SPOCK1: variants seen among roughly 807,000 people sequenced by gnomAD.
The protein encoded by SPOCK1 is SPARC (osteonectin), cwcv and kazal like domains proteoglycan 1.
SPOCK1 carries 23 observed loss-of-function variants against 55.3 expected under a neutral mutation model. The ratio of observed to expected loss-of-function variants is 0.42; its 90% CI spans 0.30 to 0.59. The LOEUF is 0.59. Among genes scored for constraint, SPOCK1 ranks in the 20% least tolerant of loss-of-function variants. The pLI is 0.22. For missense variants in SPOCK1, 499 were observed against 552.5 expected (o/e 0.90, Z 0.97); for synonymous variants, 226 against 221.0 (o/e 1.02, Z -0.20).
chr5:137,172,417 T>A (rs923543138), intron 3 of SPOCK1, among the ~76,000 whole-genome samples: 1 of 152,144 alleles, frequency 6.6e-6, no homozygotes. Flanking sequence ...ATGTTTCCAA[T>A]CTATCTCAGT....
intron 3 of SPOCK1, among the ~76,000 whole-genome samples, chr5:137,159,447 T>C (rs1561631044): frequency 6.6e-6 from 1 of 152,248 alleles, no homozygotes; most frequent in African/African-American, 2.4e-5. Flanking sequence ...GTACCCAATA[T>C]GTAGTTTTTT....
chr5:137,438,831 A>G (rs973898400), intron 2 of SPOCK1, among the ~76,000 whole-genome samples: 1 of 152,226 alleles, frequency 6.6e-6, no homozygotes, highest in African/African-American at 2.4e-5. Flanking sequence ...CCCCAATCAC[A>G]AGGAAAATAA....
intron 6 of SPOCK1, among the ~76,000 whole-genome samples, chr5:137,041,385 A>T (rs1226659110): frequency 6.6e-6 from 1 of 152,204 alleles, no homozygotes; most frequent in African/African-American, 2.4e-5. Flanking sequence ...CTAGAAGAAA[A>T]CATGGGGAAA....
chr5:137,209,245 A>G (rs1476836749), intron 3 of SPOCK1, among the ~76,000 whole-genome samples: 1 of 152,144 alleles, frequency 6.6e-6, no homozygotes, highest in Non-Finnish European at 1.5e-5. Context: ...ATTACCCACA[A>G]AGACTGTTTT....
intron 2 of SPOCK1, among the ~76,000 whole-genome samples, chr5:137,410,015 G>A (rs1372472975): frequency 6.6e-6 from 1 of 152,212 alleles, no homozygotes; most frequent in Non-Finnish European, 1.5e-5. Context: ...TGGCCACCAT[G>A]AGCCACCTCC....
At chr5:137,215,593 TG>T (rs1304184439) in intron 3 of SPOCK1, among the ~76,000 whole-genome samples, 1 of 152,188 alleles carries the variant, frequency 6.6e-6, no homozygotes, top group Admixed American at 6.5e-5. Context: ...GAATTCCAAA[TG>T]TGTATGAGTT....
intron 2 of SPOCK1, among the ~76,000 whole-genome samples, chr5:137,445,385 CTACT>C (rs1459333364): frequency 6.6e-6 from 1 of 152,134 alleles, no homozygotes; most frequent in Non-Finnish European, 1.5e-5. Context: ...TATGAATGGT[CTACT>C]TAAATTCAGT....
intron 6 of SPOCK1, among the ~76,000 whole-genome samples, chr5:137,049,049 C>T (rs1056942700): frequency 1.9e-4 from 27 of 140,568 alleles, no homozygotes; most frequent in Non-Finnish European, 3.5e-4. Flanking sequence ...GGTAACCCGA[C>T]CTTTCTCTCT....
intron 2 of SPOCK1, among the ~76,000 whole-genome samples, chr5:137,381,233 G>T (rs765897458): frequency 7.9e-5 from 12 of 152,210 alleles, no homozygotes; most frequent in Non-Finnish European, 1.6e-4. Flanking sequence ...GGGCAGCTCT[G>T]CAGGGTACAG....
intron 2 of SPOCK1, among the ~76,000 whole-genome samples, chr5:137,335,514 C>T (rs190682771): frequency 6.6e-4 from 100 of 152,282 alleles, no homozygotes; most frequent in Non-Finnish European, 1.2e-3. Context: ...TTTAGTAATG[C>T]ACCTATGAAA....
At chr5:137,457,247 A>G (rs1287491872) in intron 2 of SPOCK1, among the ~76,000 whole-genome samples, 1 of 152,234 alleles carries the variant, frequency 6.6e-6, no homozygotes, top group Admixed American at 6.5e-5. Flanking sequence ...GAGAAAATAG[A>G]CACGAATGGG....
rs751193264 is a variant in SPOCK1 at position 137,067,796 on chromosome 5, T to C, written c.508A>G (p.Lys170Glu). The change falls in exon 6 of 11, where the codon AAA (lysine) becomes GAA (glutamate). Residue 170 changes from lysine to glutamate, a missense_variant. Physicochemically the swap from Lys to Glu is moderately conservative, Grantham distance 56. This residue lies in a region of SPOCK1 where 386 missense variants were observed against 400.6 expected (regional missense o/e 0.96). Transcript: ENST00000394945. Reference sequence around the variant, plus strand: ...CCATCACAGAGGGTGGCGAGGCTTTTGCCAGTAGAACAAGCATGGAACTCC... The same window carrying C: ...CCATCACAGAGGGTGGCGAGGCTTTCGCCAGTAGAACAAGCATGGAACTCC... ...KLEFHACSTGKSLATLCDGPC... is the reference protein window; with the variant it reads ...KLEFHACSTGESLATLCDGPC... 2.5e-6 allele frequency: 4 copies of C among 1,614,026 alleles called. No individual in the cohort carries two copies. The East Asian group carries it at 6.7e-5, about 27-fold the overall frequency.
At chr5:137,399,772 T>TA (rs557709033) in intron 2 of SPOCK1, among the ~76,000 whole-genome samples, 157 of 151,874 alleles carry the variant, frequency 1.0e-3, no homozygotes, top group Middle Eastern at 3.4e-3. Flanking sequence ...AATTATTTTT[T>TA]AAAAAAAAAC....
At chr5:137,074,198 G>A (rs900609184) in intron 5 of SPOCK1, among the ~76,000 whole-genome samples, 11 of 152,234 alleles carry the variant, frequency 7.2e-5, no homozygotes, top group African/African-American at 2.6e-4. Flanking sequence ...TTAAAAATCG[G>A]AAACAAATGA....
rs1182969136 is a variant in SPOCK1 at position 137,356,329 on chromosome 5, A to G, written c.187-89274T>C. Among the ~76,000 whole-genome samples the G allele has an allele frequency of 2.6e-5, 4 of 152,208 alleles. No homozygotes were observed. In the East Asian group the frequency reaches 7.7e-4, roughly 29 times the overall value. Reference sequence around the variant, plus strand: ...TGCATAATGCATAAGAGATCTTGGTATAAATTATTCACCCGCAAATTGCCA... The same window carrying G: ...TGCATAATGCATAAGAGATCTTGGTGTAAATTATTCACCCGCAAATTGCCA... On this transcript the variant is annotated intron_variant, in intron 2 of 10. Transcript: ENST00000394945.
chr5:137,072,559 CA>C lies in SPOCK1; in HGVS notation c.475-4731del, dbSNP rs200868587. On this transcript the variant is annotated intron_variant, in intron 5 of 10. Transcript: ENST00000394945. ...CAATCTTTCCTTCCATTTTGCATAA[CA>C]CTCTAATACATTGGTTGGAATGAGT... Among the ~76,000 whole-genome samples, 1,377 of 152,294 alleles carry C rather than the reference CA, an allele frequency of 9.0e-3. 15 individuals carry two copies. Among genetic ancestry groups the C allele is most frequent in the Non-Finnish European group, 0.013 (874 of 68,022 alleles).
intron 6 of SPOCK1, among the ~76,000 whole-genome samples, chr5:137,008,408 C>A (rs988542144): frequency 1.3e-5 from 2 of 151,738 alleles, no homozygotes; most frequent in African/African-American, 2.4e-5. Context: ...GATTTCAGCA[C>A]GGCAATATTC....
At chr5:137,295,737 C>T (rs1435558467) in intron 2 of SPOCK1, among the ~76,000 whole-genome samples, 1 of 150,906 alleles carries the variant, frequency 6.6e-6, no homozygotes, top group Non-Finnish European at 1.5e-5. Flanking sequence ...AAAAAAAATA[C>T]ATATTATTGG....
At chr5:137,362,160 A>C (rs1750961247) in intron 2 of SPOCK1, among the ~76,000 whole-genome samples, 1 of 152,226 alleles carries the variant, frequency 6.6e-6, no homozygotes, top group South Asian at 2.1e-4. Flanking sequence ...ATGTTCATCA[A>C]GCATTGAGAA....
Sources: allele counts gnomAD v4.1 joint callset (sites outside exome capture counted in the v4.1 genomes callset), GRCh38; gene constraint gnomAD v4.1.1; regional missense constraint gnomAD v4.1.1; transcripts MANE v1.5; gene names NCBI Gene and HGNC (gene_info 2026-07-23, HGNC 2026-07-21).